Variants in GFRA2 observed in about 807,000 individuals in gnomAD.
GFRA2 encodes the protein GDNF family receptor alpha-2.
A neutral mutation model predicts 48.3 loss-of-function variants in GFRA2; 17 were observed. That is an observed-to-expected ratio of 0.35 (90% CI 0.24 to 0.53). The LOEUF is 0.53. Among genes scored for constraint, GFRA2 ranks in the 20% least tolerant of loss-of-function variants. The probability of loss-of-function intolerance (pLI) is 0.93; values close to 1 mark genes in which losing one functional copy is unlikely to be tolerated. For missense variants in GFRA2, 660 were observed against 637.3 expected (o/e 1.04, Z -0.38); for synonymous variants, 305 against 257.2 (o/e 1.19, Z -1.78).
At chr8:21,759,485 AGAAGGAAGGAAGGAAG>A (rs1161834899) in intron 3 of GFRA2, among the ~76,000 whole-genome samples, 1,546 of 71,732 alleles carry the variant, frequency 0.022, 23 homozygotes, top group East Asian at 0.042. Context: ...AAAGAAGGAA[AGAAGGAAGGAAGGAAG>A]GAAGGAAGGA....
chr8:21,740,513 G>A (rs531731527), intron 4 of GFRA2, among the ~76,000 whole-genome samples: 5 of 152,200 alleles, frequency 3.3e-5, no homozygotes, highest in South Asian at 2.1e-4. Context: ...CATACGGCAC[G>A]GCTATCCATT....
chr8:21,725,067 G>C (rs893202987), intron 4 of GFRA2, among the ~76,000 whole-genome samples: 2 of 152,198 alleles, frequency 1.3e-5, no homozygotes, highest in African/African-American at 2.4e-5. Context: ...TTGAGTGATT[G>C]ATTTGAAGGG....
At chr8:21,715,158 T>C (rs752250231) in intron 4 of GFRA2, among the ~76,000 whole-genome samples, 1 of 152,218 alleles carries the variant, frequency 6.6e-6, no homozygotes, top group South Asian at 2.1e-4. Context: ...ACTGGTTTCA[T>C]GAAGTCAAGG....
intron 4 of GFRA2, among the ~76,000 whole-genome samples, chr8:21,712,945 G>A (rs577340258): frequency 5.5e-4 from 84 of 152,000 alleles, no homozygotes; most frequent in Middle Eastern, 3.4e-3. Flanking sequence ...GCAGTGAGCC[G>A]AGATGGCAGC....
chr8:21,798,951 G>T (rs890967502), intron 2 of GFRA2, among the ~76,000 whole-genome samples: 1 of 152,144 alleles, frequency 6.6e-6, no homozygotes, highest in East Asian at 1.9e-4. Flanking sequence ...AGCTCTGTTC[G>T]AACATGACCT....
chr8:21,756,593 C>G (rs1381715491), intron 3 of GFRA2, among the ~76,000 whole-genome samples: 1 of 152,216 alleles, frequency 6.6e-6, no homozygotes, highest in East Asian at 1.9e-4. Flanking sequence ...GCCACCTACC[C>G]TAAGGCTCCT....
intron 2 of GFRA2, among the ~76,000 whole-genome samples, chr8:21,794,664 C>T (rs1807636978): frequency 6.6e-6 from 1 of 152,150 alleles, no homozygotes; most frequent in Admixed American, 6.5e-5. Context: ...AGGTGCCCAG[C>T]TTGGTGCCCA....
intron 4 of GFRA2, among the ~76,000 whole-genome samples, chr8:21,711,666 ATACT>A (rs1324779358): frequency 1.3e-5 from 2 of 151,604 alleles, no homozygotes; most frequent in Non-Finnish European, 2.9e-5. Flanking sequence ...TATCTGGGAA[ATACT>A]TACGCTAAAC....
Position 21,750,153 on chromosome 8 carries a change from G to A in GFRA2, c.794+435C>T, listed in dbSNP as rs918299766. Among the ~76,000 whole-genome samples, 26 of 151,428 alleles carry A rather than the reference G, an allele frequency of 1.7e-4. No homozygotes were observed. Among genetic ancestry groups the A allele is most frequent in the African/African-American group, 6.0e-4 (25 of 41,360 alleles). Reference sequence around the variant, plus strand: ...GACTGAGTTTTGCTATGTTGCCCAGGATGGTCTCAAACTCCTGGCCTCAAG... The same window carrying A: ...GACTGAGTTTTGCTATGTTGCCCAGAATGGTCTCAAACTCCTGGCCTCAAG... On this transcript the variant is annotated intron_variant, in intron 4 of 8. Coordinates refer to ENST00000524240, the MANE Select transcript of GFRA2 (RefSeq NM_001495.5). This position sits in a 1 kb window ranked among gnomAD's most constrained non-coding sequence, Gnocchi z 5.7.
chr8:21,784,063 T>C (rs759167664), intron 1 of GFRA2, among the ~76,000 whole-genome samples: 4 of 151,946 alleles, frequency 2.6e-5, no homozygotes, highest in Non-Finnish European at 5.9e-5. Context: ...ACCTTGCTCC[T>C]CCACCAATGT....
chr8:21,772,543 A>T (rs1340943988), intron 3 of GFRA2, among the ~76,000 whole-genome samples: 1 of 152,126 alleles, frequency 6.6e-6, no homozygotes, highest in Non-Finnish European at 1.5e-5. Context: ...CCCCAGACAC[A>T]GCTGCCTACT....
At chr8:21,725,859 C>T (rs567737831) in intron 4 of GFRA2, among the ~76,000 whole-genome samples, 12 of 152,324 alleles carry the variant, frequency 7.9e-5, no homozygotes, top group Middle Eastern at 3.4e-3. Flanking sequence ...TCCAGCATCA[C>T]CCGCTGGGGT....
intron 3 of GFRA2, among the ~76,000 whole-genome samples, chr8:21,762,225 G>A (rs954741598): frequency 6.6e-6 from 1 of 152,032 alleles, no homozygotes; most frequent in Admixed American, 6.6e-5. Flanking sequence ...CAGGAGTGGG[G>A]GCCAGGAACA....
intron 4 of GFRA2, among the ~76,000 whole-genome samples, chr8:21,712,599 C>T (rs1196976522): frequency 4.7e-5 from 7 of 148,672 alleles, no homozygotes; most frequent in Non-Finnish European, 7.4e-5. Flanking sequence ...ACTTCCCAGA[C>T]GGGGTGGCGG....
At chr8:21,710,535 C>G (rs1457302786) in intron 4 of GFRA2, among the ~76,000 whole-genome samples, 1 of 152,176 alleles carries the variant, frequency 6.6e-6, no homozygotes, top group African/African-American at 2.4e-5. Flanking sequence ...CCTCCTGACC[C>G]CACCGTCCTT....
intron 1 of GFRA2, among the ~76,000 whole-genome samples, chr8:21,785,988 C>A (rs1438149714): frequency 6.6e-6 from 1 of 152,216 alleles, no homozygotes; most frequent in South Asian, 2.1e-4. Flanking sequence ...CCATCCCTTC[C>A]TTTCCACTGG....
chr8:21,808,540 T>G (rs547510750), intron 1 of GFRA2, among the ~76,000 whole-genome samples: 2 of 152,342 alleles, frequency 1.3e-5, no homozygotes, highest in African/African-American at 4.8e-5. Flanking sequence ...TATGAACCCC[T>G]GTAGGACGGG....
rs1234491806 is a variant in GFRA2, at chr8:21,775,031, G to T, written c.380C>A (p.Pro127His). The stretch of plus-strand genomic sequence containing the variant: ...GAGGCGGGAGGTCACCGGCTCATAG[G>T]GGGAGGCTTCGTAGAACTCCTCACC... ...TEGEEFYEAS[P>H]YEPVTSRLSD... Residue 127 changes from proline to histidine, a missense_variant, in exon 3 of 9, where the codon CCC becomes CAC. Physicochemically the swap from Pro to His is moderately conservative, Grantham distance 77. Coordinates refer to ENST00000524240, the MANE Select transcript of GFRA2 (RefSeq NM_001495.5). 6.9e-6 allele frequency: 11 copies of T among 1,600,870 alleles called. No individual in the cohort carries two copies. Among genetic ancestry groups the T allele is most frequent in the African/African-American group, 4.0e-5 (3 of 74,710 alleles).
intron 3 of GFRA2, among the ~76,000 whole-genome samples, chr8:21,762,979 T>C (rs1290219679): frequency 1.3e-5 from 2 of 152,326 alleles, no homozygotes; most frequent in South Asian, 4.1e-4. Context: ...TATTTGATGG[T>C]ATAGAGAATG....
Sources: gnomAD v4.1 joint callset for allele counts (sites outside exome capture counted in the v4.1 genomes callset) on GRCh38, gnomAD v4.1.1 for gene constraint, Gnocchi (gnomAD v3.1) non-coding constraint, MANE v1.5 for transcripts, NCBI Gene and HGNC (gene_info 2026-07-23, HGNC 2026-07-21) for gene names.